The following MROH9 variants were observed in gnomAD, a reference collection of about 807,000 sequenced individuals.
MROH9 encodes the protein maestro heat like repeat family member 9, also known as maestro heat-like repeat-containing protein family member 9.
A neutral mutation model predicts 98.2 loss-of-function variants in MROH9; 92 were observed. The ratio of observed to expected loss-of-function variants is 0.94; its 90% CI spans 0.79 to 1.11. The LOEUF (loss-of-function observed/expected upper bound fraction) is 1.11, where lower values mean the gene tolerates loss of function less well. MROH9 is among the 50% of genes most tolerant of loss of function. The pLI is 0.00. For missense variants in MROH9, 1,057 were observed against 1,014.8 expected (o/e 1.04, Z -0.57); for synonymous variants, 397 against 368.9 (o/e 1.08, Z -0.87).
intron 15 of MROH9, chr1:170,998,592 G>T: frequency 1.5e-6 from 2 of 1,313,874 alleles, no homozygotes; most frequent in Non-Finnish European, 1.9e-6. Context: ...GGGATAATTG[G>T]GTTTAATAAA....
At chr1:171,026,714 T>C (rs1210338367) in intron 20 of MROH9, among the ~76,000 whole-genome samples, 1 of 152,132 alleles carries the variant, frequency 6.6e-6, no homozygotes, top group Non-Finnish European at 1.5e-5. Context: ...ATTATCTTTC[T>C]ACAGAGGTAC....
chr1:171,025,154 G>A (rs1279718168), intron 19 of MROH9, among the ~76,000 whole-genome samples, 164 bp from the exon 20 acceptor site: 1 of 152,186 alleles, frequency 6.6e-6, no homozygotes, highest in East Asian at 1.9e-4. Context: ...GCTAATCAAA[G>A]AATGGAAAAA....
intron 15 of MROH9, among the ~76,000 whole-genome samples, chr1:171,009,548 T>C (rs1234772990): frequency 6.6e-6 from 1 of 152,172 alleles, no homozygotes; most frequent in African/African-American, 2.4e-5. Context: ...AATAAAAACA[T>C]GAAGCTGCAA....
intron 17 of MROH9, among the ~76,000 whole-genome samples, chr1:171,021,457 A>C (rs148703400): frequency 1.3e-5 from 2 of 152,156 alleles, no homozygotes; most frequent in East Asian, 3.9e-4. Context: ...ATAACACCAC[A>C]CTTCTACAAT....
chr1:171,005,991 T>A (rs1168408131), intron 15 of MROH9, among the ~76,000 whole-genome samples: 2 of 152,250 alleles, frequency 1.3e-5, no homozygotes, highest in African/African-American at 4.8e-5. Context: ...AATATTCTAA[T>A]TTTGACTATA....
intron 1 of MROH9, among the ~76,000 whole-genome samples, chr1:170,942,402 CACACACA>C (rs1649157295): frequency 1.5e-5 from 2 of 133,622 alleles, no homozygotes; most frequent in African/African-American, 2.6e-5. Context: ...CACACACACA[CACACACA>C]CCCTCAGAGA....
intron 3 of MROH9, among the ~76,000 whole-genome samples, chr1:170,949,392 G>T (rs17562854): frequency 0.08 from 12,206 of 152,084 alleles, 623 homozygotes; most frequent in Non-Finnish European, 0.11. Context: ...AACAGGAGTT[G>T]TGGATGGAGA....
At chr1:170,967,827 C>T (rs912173007) in intron 7 of MROH9, among the ~76,000 whole-genome samples, 1 of 150,772 alleles carries the variant, frequency 6.6e-6, no homozygotes, top group African/African-American at 2.4e-5. Flanking sequence ...CAACTTATAG[C>T]ATTAAGATTT....
chr1:170,968,276 C>T (rs1650307155), intron 7 of MROH9, among the ~76,000 whole-genome samples: 1 of 152,198 alleles, frequency 6.6e-6, no homozygotes, highest in Non-Finnish European at 1.5e-5. Context: ...GAAGAACCTA[C>T]ATTGTCCCGC....
At chr1:171,015,262 G>T (rs967600941) in intron 16 of MROH9, 12 of 322,912 alleles carry the variant, frequency 3.7e-5, no homozygotes, top group Non-Finnish European at 6.7e-5. Flanking sequence ...TTTACCAGTG[G>T]TGTACATTAT....
intron 8 of MROH9, among the ~76,000 whole-genome samples, chr1:170,977,498 A>G (rs1367839636): frequency 2.0e-5 from 3 of 152,102 alleles, no homozygotes; most frequent in Non-Finnish European, 2.9e-5. Context: ...TTAGTGAGAT[A>G]TTTTGTTGTT....
chr1:171,028,464 G>A (rs1205342487), intron 20 of MROH9, among the ~76,000 whole-genome samples: 1 of 152,170 alleles, frequency 6.6e-6, no homozygotes, highest in Non-Finnish European at 1.5e-5. Flanking sequence ...GCACCACAAT[G>A]CCTCCAGCTT....
intron 20 of MROH9, among the ~76,000 whole-genome samples, chr1:171,056,575 C>A (rs1192686242): frequency 6.6e-6 from 1 of 150,492 alleles, no homozygotes; most frequent in Non-Finnish European, 1.5e-5. Context: ...GTTCCAGGAG[C>A]CCAGATGAGT....
At chr1:171,036,237 GGA>G (rs1171521974) in intron 20 of MROH9, among the ~76,000 whole-genome samples, 16 of 152,188 alleles carry the variant, frequency 1.1e-4, no homozygotes, top group South Asian at 6.2e-4. Flanking sequence ...AGGGAGCCTC[GGA>G]GAGAGTTTCT....
chr1:170,971,162 C>G (rs1650443365), intron 7 of MROH9, among the ~76,000 whole-genome samples: 1 of 152,094 alleles, frequency 6.6e-6, no homozygotes, highest in South Asian at 2.1e-4. Flanking sequence ...AATATTTGAT[C>G]AGTCTAAGGG....
At chr1:171,024,277 T>A in intron 17 of MROH9, 118 bp from the exon 18 acceptor site, 2 of 761,814 alleles carry the variant, frequency 2.6e-6, no homozygotes, top group Non-Finnish European at 4.2e-6. Context: ...TATATACACA[T>A]ATACATATAT....
At chr1:171,037,983 T>C (rs183186752) in intron 20 of MROH9, among the ~76,000 whole-genome samples, 1 of 151,930 alleles carries the variant, frequency 6.6e-6, no homozygotes, top group East Asian at 1.9e-4. Flanking sequence ...TAATAATAAA[T>C]AAAATCAAAT....
At chr1:171,020,048 C>T (rs1260251082) in intron 17 of MROH9, among the ~76,000 whole-genome samples, 1 of 152,112 alleles carries the variant, frequency 6.6e-6, no homozygotes. Flanking sequence ...CGCATACACC[C>T]TCCCAAGACA....
At chr1:170,942,843 A>G (rs1282258190) in intron 1 of MROH9, among the ~76,000 whole-genome samples, 2 of 152,236 alleles carry the variant, frequency 1.3e-5, no homozygotes, top group East Asian at 3.9e-4. Context: ...GCTGAACTAA[A>G]CAAGAAATCA....
Sources: allele counts gnomAD v4.1 joint callset (sites outside exome capture counted in the v4.1 genomes callset), GRCh38; gene constraint gnomAD v4.1.1; transcripts MANE v1.5; gene names NCBI Gene and HGNC (gene_info 2026-07-23, HGNC 2026-07-21).